EPHA6: variants seen among roughly 807,000 people sequenced by gnomAD.
The protein encoded by EPHA6 is ephrin type-A receptor 6.
A neutral mutation model predicts 112.0 loss-of-function variants in EPHA6; 50 were observed. The observed-to-expected ratio is 0.45, with a 90% CI of 0.36 to 0.56. The LOEUF (loss-of-function observed/expected upper bound fraction) is 0.56, where lower values mean the gene tolerates loss of function less well. Among genes scored for constraint, EPHA6 ranks in the 20% least tolerant of loss-of-function variants. EPHA6 has a pLI of 0.00. For synonymous variants in EPHA6, 529 were observed against 490.7 expected, an observed-to-expected ratio of 1.08 and a Z score of -1.03; for missense variants, 1,280 against 1,417.4, an observed-to-expected ratio of 0.90 and a Z score of 1.56.
intron 3 of EPHA6, chr3:97,010,176 A>G (rs1209998011): frequency 1.5e-5 from 14 of 950,226 alleles, no homozygotes; most frequent in South Asian, 4.7e-5. Flanking sequence ...TTAAGAAGAC[A>G]TTGTGTTGGT....
At chr3:97,196,590 C>T (rs1201517733) in intron 3 of EPHA6, among the ~76,000 whole-genome samples, 1 of 152,026 alleles carries the variant, frequency 6.6e-6, no homozygotes, top group Non-Finnish European at 1.5e-5. Flanking sequence ...TCATTTCAGT[C>T]TGGGCTTGTT....
chr3:97,329,564 C>A (rs1046555383), intron 5 of EPHA6, among the ~76,000 whole-genome samples: 4 of 151,738 alleles, frequency 2.6e-5, no homozygotes. Context: ...TCTCTGATGG[C>A]CAGTGATGAT....
At chr3:97,575,134 C>T (rs1234033091) in intron 11 of EPHA6, among the ~76,000 whole-genome samples, 4 of 152,020 alleles carry the variant, frequency 2.6e-5, no homozygotes, top group African/African-American at 7.2e-5. Flanking sequence ...GAAATTAGAA[C>T]ATTGTCATTT....
At chr3:97,276,477 A>G (rs2080084671) in intron 5 of EPHA6, among the ~76,000 whole-genome samples, 1 of 152,034 alleles carries the variant, frequency 6.6e-6, no homozygotes, top group African/African-American at 2.4e-5. Context: ...CTGGAGGAAC[A>G]CCTGGCCGAC....
chr3:97,607,901 A>G (rs950705575), intron 12 of EPHA6, among the ~76,000 whole-genome samples: 2 of 151,236 alleles, frequency 1.3e-5, no homozygotes, highest in African/African-American at 2.4e-5. Context: ...TGTTGCCAAT[A>G]GACTTCTCTC....
chr3:97,341,482 G>A (rs2083300349), intron 5 of EPHA6, among the ~76,000 whole-genome samples: 1 of 151,976 alleles, frequency 6.6e-6, no homozygotes, highest in East Asian at 1.9e-4. Flanking sequence ...AGCCTCCCAA[G>A]TAGCTGGGAT....
intron 14 of EPHA6, among the ~76,000 whole-genome samples, chr3:97,692,357 T>A (rs1033782447): frequency 6.6e-6 from 1 of 152,218 alleles, no homozygotes; most frequent in African/African-American, 2.4e-5. Context: ...GAATATGTAA[T>A]AAACCTTTTG....
At position 97,144,855 on chromosome 3, in the gene EPHA6, G is replaced by T. The variant is rs542805970; in HGVS notation, c.1115-81409G>T. 5.3e-5 allele frequency among the ~76,000 whole-genome samples: 8 copies of T among 150,946 alleles called. No individual in the cohort carries two copies. The East Asian group carries it at 1.2e-3, about 22-fold the overall frequency. On this transcript the variant is annotated intron_variant, in intron 3 of 17. Coordinates refer to ENST00000389672, the MANE Select transcript of EPHA6 (RefSeq NM_001080448.3). ...ATTTTTCTTCTGTGGTTCTCATCTTGTCTTTGGTTTTGTTTCTTTCTTAAT... is the reference window on the plus strand; with the variant it reads ...ATTTTTCTTCTGTGGTTCTCATCTTTTCTTTGGTTTTGTTTCTTTCTTAAT...
intron 10 of EPHA6, among the ~76,000 whole-genome samples, chr3:97,519,887 G>T (rs1179838790): frequency 6.6e-6 from 1 of 150,920 alleles, no homozygotes; most frequent in Non-Finnish European, 1.5e-5. Flanking sequence ...ATGAAATCTT[G>T]GTTGGGGTAT....
chr3:97,650,875 A>AT (rs397808746), intron 14 of EPHA6, among the ~76,000 whole-genome samples: 1 of 150,330 alleles, frequency 6.7e-6, no homozygotes, highest in Non-Finnish European at 1.5e-5. Context: ...AAAAAAAAAA[A>AT]GGAGAGGACT....
intron 2 of EPHA6, among the ~76,000 whole-genome samples, chr3:96,872,080 T>C (rs2036655743): frequency 1.3e-5 from 2 of 152,084 alleles, no homozygotes; most frequent in Admixed American, 1.3e-4. Flanking sequence ...TTTGGTTTGA[T>C]GAGTCAAATA....
chr3:97,132,857 C>A (rs1028267213), intron 3 of EPHA6, among the ~76,000 whole-genome samples: 1 of 151,742 alleles, frequency 6.6e-6, no homozygotes, highest in Admixed American at 6.6e-5. Flanking sequence ...ATGCATTCAC[C>A]CAGGGCTAAG....
chr3:97,048,180 G>T (rs1315694907), intron 3 of EPHA6, among the ~76,000 whole-genome samples: 1 of 152,126 alleles, frequency 6.6e-6, no homozygotes, highest in Non-Finnish European at 1.5e-5. Context: ...TAATAGAAAA[G>T]CTATGACAAG....
chr3:97,102,540 A>T (rs2047434553), intron 3 of EPHA6, among the ~76,000 whole-genome samples: 1 of 151,998 alleles, frequency 6.6e-6, no homozygotes, highest in East Asian at 1.9e-4. Context: ...AAATACGATT[A>T]AACTTCTGTG....
intron 14 of EPHA6, among the ~76,000 whole-genome samples, chr3:97,704,526 C>T (rs935835547): frequency 1.3e-5 from 2 of 152,138 alleles, no homozygotes; most frequent in African/African-American, 4.8e-5. Flanking sequence ...GACTTCTAGG[C>T]CTCCATAATT....
rs2094040776 is a variant in EPHA6, at chr3:97,644,579, G to A, written c.2784+6497G>A. The stretch of plus-strand genomic sequence containing the variant: ...AGATAAAAGAGGGAAGAATCAAATA[G>A]ACACAATAAAAAATGATAAAGGGGA... On this transcript the variant is annotated intron_variant, in intron 14 of 17. Coordinates refer to ENST00000389672, the MANE Select transcript of EPHA6 (RefSeq NM_001080448.3). Among the ~76,000 whole-genome samples the A allele has an allele frequency of 2.6e-5, 4 of 151,988 alleles. No homozygotes were observed. The South Asian group carries it at 8.3e-4, about 32-fold the overall frequency.
chr3:97,085,408 A>G (rs535459513), intron 3 of EPHA6, among the ~76,000 whole-genome samples: 4 of 152,240 alleles, frequency 2.6e-5, no homozygotes, highest in African/African-American at 7.2e-5. Flanking sequence ...GCTATAATAA[A>G]CATAAAGTGA....
intron 3 of EPHA6, among the ~76,000 whole-genome samples, chr3:97,158,692 A>C (rs916622235): frequency 2.6e-5 from 4 of 152,170 alleles, no homozygotes; most frequent in African/African-American, 9.7e-5. Context: ...CATTTTTTAC[A>C]TAAGATGACA....
intron 5 of EPHA6, among the ~76,000 whole-genome samples, chr3:97,261,021 G>A (rs990820989): frequency 1.3e-5 from 2 of 152,178 alleles, no homozygotes; most frequent in Non-Finnish European, 1.5e-5. Context: ...AAATTAGGCA[G>A]GAAGTTAATT....
Sources: allele counts gnomAD v4.1 joint callset (sites outside exome capture counted in the v4.1 genomes callset), GRCh38; gene constraint gnomAD v4.1.1; transcripts MANE v1.5; gene names NCBI Gene and HGNC (gene_info 2026-07-23, HGNC 2026-07-21).